Variants in DCC observed in about 807,000 individuals in gnomAD.
DCC encodes DCC netrin 1 receptor.
In DCC, 58 loss-of-function variants were observed where a neutral mutation model predicts 172.5. The observed-to-expected ratio is 0.34, with a 90% CI of 0.27 to 0.42. DCC has a LOEUF of 0.42. Among genes scored for constraint, DCC ranks in the 10% least tolerant of loss-of-function variants. The pLI is 1.00. For synonymous variants in DCC, 709 were observed against 644.5 expected (o/e 1.10, Z -1.52); for missense variants, 1,740 against 1,791.0 (o/e 0.97, Z 0.51).
chr18:52,725,817 A>C (rs1176965190), intron 1 of DCC, among the ~76,000 whole-genome samples: 2 of 152,206 alleles, frequency 1.3e-5, no homozygotes, highest in Non-Finnish European at 2.9e-5. Context: ...ATATCAGTAT[A>C]GATCAGTTCA....
At chr18:52,725,503 C>T (rs372805306) in intron 1 of DCC, among the ~76,000 whole-genome samples, 2 of 152,146 alleles carry the variant, frequency 1.3e-5, no homozygotes, top group South Asian at 2.1e-4. Context: ...CTGTGCCATG[C>T]GGGCTGCCAC....
intron 1 of DCC, among the ~76,000 whole-genome samples, chr18:52,491,346 G>T (rs58595181): frequency 6.6e-6 from 1 of 151,912 alleles, no homozygotes; most frequent in Non-Finnish European, 1.5e-5. Flanking sequence ...ATATATAATT[G>T]CAAACTGTGG....
chr18:52,633,208 T>C (rs2034710733), intron 1 of DCC, among the ~76,000 whole-genome samples: 1 of 152,152 alleles, frequency 6.6e-6, no homozygotes, highest in African/African-American at 2.4e-5. Flanking sequence ...TTTGAGAGCT[T>C]ATCTTATTTG....
At chr18:53,320,608 A>C (rs938234029) in intron 13 of DCC, among the ~76,000 whole-genome samples, 1 of 152,236 alleles carries the variant, frequency 6.6e-6, no homozygotes. Context: ...AGTGAGCACG[A>C]GCCTACTTAA....
chr18:53,062,134 T>A (rs62099171), intron 5 of DCC, among the ~76,000 whole-genome samples: 1,698 of 152,188 alleles, frequency 0.011, 13 homozygotes, highest in Non-Finnish European at 0.017. Flanking sequence ...ATTTAGTTAC[T>A]AATCAGGGAA....
At chr18:52,901,524 A>G (rs1179990362) in intron 2 of DCC, among the ~76,000 whole-genome samples, 1 of 152,222 alleles carries the variant, frequency 6.6e-6, no homozygotes, top group East Asian at 1.9e-4. Context: ...AAGTGGAGAT[A>G]ATAATACTTC....
intron 18 of DCC, among the ~76,000 whole-genome samples, chr18:53,400,750 A>G (rs936954488): frequency 1.3e-5 from 2 of 152,168 alleles, no homozygotes; most frequent in African/African-American, 4.8e-5. Context: ...TGGTTGTTAG[A>G]TTTTTTTAAA....
At chr18:52,930,757 C>T (rs946811647) in intron 5 of DCC, among the ~76,000 whole-genome samples, 5 of 152,074 alleles carry the variant, frequency 3.3e-5, no homozygotes, top group African/African-American at 1.2e-4. Flanking sequence ...TTATTGATTA[C>T]AGAAACTCTT....
intron 2 of DCC, among the ~76,000 whole-genome samples, chr18:52,838,719 T>C (rs111289417): frequency 0.021 from 3,197 of 152,264 alleles, 113 homozygotes; most frequent in African/African-American, 0.07. Flanking sequence ...TGCAACAGCA[T>C]GTGATAATGC....
chr18:53,258,867 G>C (rs868294523), intron 12 of DCC, among the ~76,000 whole-genome samples: 6 of 152,198 alleles, frequency 3.9e-5, no homozygotes, highest in Middle Eastern at 3.4e-3. Context: ...GGTCACTGAG[G>C]ACTTGCTTTA....
At chr18:52,444,501 G>C (rs1463174455) in intron 1 of DCC, among the ~76,000 whole-genome samples, 3 of 152,128 alleles carry the variant, frequency 2.0e-5, no homozygotes, top group African/African-American at 7.2e-5. Context: ...AATGAGCACT[G>C]AGCTAGAAGG....
intron 26 of DCC, among the ~76,000 whole-genome samples, chr18:53,490,260 A>C (rs1324016079): frequency 6.6e-6 from 1 of 152,144 alleles, no homozygotes; most frequent in African/African-American, 2.4e-5. Context: ...GGTTATGTAA[A>C]AATATTGTGT....
At chr18:53,044,193 T>A (rs2042206486) in intron 5 of DCC, among the ~76,000 whole-genome samples, 1 of 151,830 alleles carries the variant, frequency 6.6e-6, no homozygotes, top group South Asian at 2.1e-4. Context: ...AGAAGAGAAT[T>A]TGGAGTCAGT....
At chr18:53,251,335 C>T (rs998840059) in intron 12 of DCC, among the ~76,000 whole-genome samples, 16 of 152,008 alleles carry the variant, frequency 1.1e-4, no homozygotes, top group African/African-American at 1.4e-4. Context: ...TTGTTTTGAA[C>T]GTACCTTCTT....
intron 2 of DCC, among the ~76,000 whole-genome samples, chr18:52,780,310 C>T (rs191437695): frequency 6.6e-6 from 1 of 152,184 alleles, no homozygotes; most frequent in South Asian, 2.1e-4. Flanking sequence ...TTGAACTTTA[C>T]AGTTTTGAGA....
chr18:53,062,063 T>C (rs1289321083), intron 5 of DCC, among the ~76,000 whole-genome samples: 1 of 152,118 alleles, frequency 6.6e-6, no homozygotes, highest in Non-Finnish European at 1.5e-5. Context: ...AAAAGCCTTA[T>C]ACTAATATCA....
intron 1 of DCC, among the ~76,000 whole-genome samples, chr18:52,385,824 G>A (rs1172825455): frequency 6.6e-6 from 1 of 152,072 alleles, no homozygotes; most frequent in Non-Finnish European, 1.5e-5. Flanking sequence ...TTGTTGTGTA[G>A]TGCTTGGTAT....
At chr18:52,638,552 T>G (rs138803469) in intron 1 of DCC, among the ~76,000 whole-genome samples, 1 of 152,038 alleles carries the variant, frequency 6.6e-6, no homozygotes, top group South Asian at 2.1e-4. Flanking sequence ...AAAACAAACT[T>G]TAAAGCAACA....
At position 53,428,920 on chromosome 18, in the gene DCC, T is replaced by C. The variant is rs1268374655; in HGVS notation, c.3164-6224T>C. 1.1e-4 allele frequency among the ~76,000 whole-genome samples: 3 copies of C among 28,298 alleles called. 1 individual carries two copies. Among genetic ancestry groups the C allele is most frequent in the African/African-American group, 2.4e-4 (3 of 12,320 alleles). 18.6% of individuals were successfully genotyped at this position (28,298 alleles called of 152,430 possible). The stretch of plus-strand genomic sequence containing the variant: ...TATTTTATATATAATAAATTATATA[T>C]TATATATTTTATATATAATAAATTA... On this transcript the variant is annotated intron_variant, in intron 21 of 28. Transcript: ENST00000442544.
Sources: gnomAD v4.1 joint callset for allele counts (sites outside exome capture counted in the v4.1 genomes callset) on GRCh38, gnomAD v4.1.1 for gene constraint, MANE v1.5 for transcripts, NCBI Gene and HGNC (gene_info 2026-07-23, HGNC 2026-07-21) for gene names.